TLN2: variants seen among roughly 807,000 people sequenced by gnomAD.
TLN2 encodes the protein talin-2.
A neutral mutation model predicts 294.7 loss-of-function variants in TLN2; 118 were observed. That is an observed-to-expected ratio of 0.40 (90% CI 0.34 to 0.47). The LOEUF (loss-of-function observed/expected upper bound fraction) is 0.47. Among genes scored for constraint, TLN2 ranks in the 20% least tolerant of loss-of-function variants. The probability of loss-of-function intolerance (pLI) is 0.84; values close to 1 mark genes in which losing one functional copy is unlikely to be tolerated. For synonymous variants in TLN2, 1,431 were observed against 1,304.5 expected (o/e 1.10, Z -2.09); for missense variants, 3,083 against 3,282.2 (o/e 0.94, Z 1.48).
At chr15:62,431,071 C>T (rs994372426) in intron 1 of TLN2, among the ~76,000 whole-genome samples, 1 of 152,076 alleles carries the variant, frequency 6.6e-6, no homozygotes, top group Non-Finnish European at 1.5e-5. Flanking sequence ...CTTGAGCTGA[C>T]TTTTGAGCTC....
At chr15:62,695,018 A>G in intron 14 of TLN2, among the ~76,000 whole-genome samples, 1 of 152,228 alleles carries the variant, frequency 6.6e-6, no homozygotes, top group East Asian at 1.9e-4. Context: ...CTAATAAAGC[A>G]CATAAAACAA....
chr15:62,792,573 C>G, intron 45 of TLN2, 68 bp from the exon 46 acceptor site: 2 of 1,571,652 alleles, frequency 1.3e-6, no homozygotes, highest in South Asian at 1.2e-5. Context: ...AAATTTTCCA[C>G]GTAGGGAAGG....
intron 45 of TLN2, among the ~76,000 whole-genome samples, chr15:62,788,051 C>G (rs1320053079): frequency 1.3e-5 from 2 of 150,376 alleles, no homozygotes; most frequent in Non-Finnish European, 3.0e-5. Context: ...TGGCTCACGC[C>G]TGTAATCCCA....
chr15:62,580,625 A>G lies in TLN2; in HGVS notation c.-237-9062A>G, dbSNP rs566385765. On this transcript the variant is annotated intron_variant, in intron 1 of 58. Transcript: ENST00000636159. ...GGGGTTTTGCCATGTTGCCCAGGCT[A>G]GTCTCTAACTCCTGAGTTCAAGTGA... Among the ~76,000 whole-genome samples the G allele has an allele frequency of 2.5e-4, 38 of 151,792 alleles. 1 individual carries two copies. Among genetic ancestry groups the G allele is most frequent in the South Asian group, 2.1e-4 (1 of 4,782 alleles).
At chr15:62,593,000 C>G (rs2046203350) in intron 2 of TLN2, among the ~76,000 whole-genome samples, 2 of 152,154 alleles carry the variant, frequency 1.3e-5, no homozygotes, top group Admixed American at 6.5e-5. Context: ...ATTTTAAAAT[C>G]TATTTTCAAT....
chr15:62,647,580 T>C, intron 4 of TLN2, 134 bp downstream of exon 4: 1 of 1,225,502 alleles, frequency 8.2e-7, no homozygotes, highest in Non-Finnish European at 1.1e-6. Context: ...CCTTCTTAGA[T>C]CAGACACTAC....
chr15:62,459,426 T>C (rs1243440730), intron 1 of TLN2, among the ~76,000 whole-genome samples: 1 of 151,592 alleles, frequency 6.6e-6, no homozygotes, highest in Admixed American at 6.6e-5. Context: ...CTGTGTCTTA[T>C]AAATCAGTAA....
intron 1 of TLN2, among the ~76,000 whole-genome samples, chr15:62,507,020 A>G (rs2140442576): frequency 6.6e-6 from 1 of 152,354 alleles, no homozygotes; most frequent in African/African-American, 2.4e-5. Context: ...TTTTTAGCTT[A>G]AAAACACTTG....
chr15:62,565,456 C>T (rs2043317991), intron 1 of TLN2, among the ~76,000 whole-genome samples: 1 of 152,258 alleles, frequency 6.6e-6, no homozygotes, highest in South Asian at 2.1e-4. Flanking sequence ...TTTAGGGGAT[C>T]TGTGCTAATG....
chr15:62,608,637 G>A (rs1217832342), intron 2 of TLN2, among the ~76,000 whole-genome samples: 1 of 152,170 alleles, frequency 6.6e-6, no homozygotes, highest in Non-Finnish European at 1.5e-5. Flanking sequence ...ACACAGGAGG[G>A]AAGCAGGTTG....
intron 43 of TLN2, among the ~76,000 whole-genome samples, chr15:62,779,263 G>A (rs1443377823): frequency 3.9e-5 from 6 of 152,230 alleles, no homozygotes; most frequent in African/African-American, 9.6e-5. Flanking sequence ...TCAAGCTCTC[G>A]GGACGTTGAT....
rs574235758 is a variant in TLN2, at chr15:62,478,293, G to C, written c.-238+87608G>C. On this transcript the variant is annotated intron_variant, in intron 1 of 58. Transcript: ENST00000636159. ...AACCCCTGCATCATGACTAGAAGTG[G>C]GATTTTACAGCTAGTGGCGAGATGG... 2.0e-5 allele frequency among the ~76,000 whole-genome samples: 3 copies of C among 152,170 alleles called. No homozygotes were observed. The East Asian group carries it at 5.8e-4, about 29-fold the overall frequency.
chr15:62,434,408 G>T (rs974088931), intron 1 of TLN2, among the ~76,000 whole-genome samples: 1 of 151,888 alleles, frequency 6.6e-6, no homozygotes, highest in Non-Finnish European at 1.5e-5. Flanking sequence ...ATTCCATTTC[G>T]TCTTTTAACT....
intron 36 of TLN2, chr15:62,754,881 G>A (rs1193248406): frequency 1.3e-5 from 2 of 152,240 alleles, no homozygotes; most frequent in Non-Finnish European, 2.9e-5. Flanking sequence ...CATGGATGAG[G>A]AGGGAGCTGT....
intron 28 of TLN2, among the ~76,000 whole-genome samples, chr15:62,727,684 A>G (rs1047756301): frequency 6.6e-6 from 1 of 152,216 alleles, no homozygotes; most frequent in Non-Finnish European, 1.5e-5. Flanking sequence ...TGAAGGTAGG[A>G]GACTCCTTAA....
At chr15:62,423,524 A>T (rs1239692446) in intron 1 of TLN2, among the ~76,000 whole-genome samples, 2 of 152,088 alleles carry the variant, frequency 1.3e-5, no homozygotes, top group Non-Finnish European at 2.9e-5. Context: ...GAAACCACAC[A>T]TCTTTTTCAC....
chr15:62,440,602 T>A (rs1167347350), intron 1 of TLN2, among the ~76,000 whole-genome samples: 2 of 152,200 alleles, frequency 1.3e-5, no homozygotes, highest in African/African-American at 4.8e-5. Context: ...GGTGAATGTT[T>A]CCATGGCAAC....
At chr15:62,667,092 A>T (rs567384710) in intron 9 of TLN2, among the ~76,000 whole-genome samples, 92 of 152,188 alleles carry the variant, frequency 6.0e-4, no homozygotes, top group African/African-American at 2.1e-3. Flanking sequence ...CAGCCTCCCG[A>T]GTAGCTGGGA....
chr15:62,671,927 T>A (rs1444147718), intron 9 of TLN2, among the ~76,000 whole-genome samples: 1 of 152,202 alleles, frequency 6.6e-6, no homozygotes, highest in Non-Finnish European at 1.5e-5. Flanking sequence ...ATTTACTTAT[T>A]CTTTATTGCC....
Sources: allele counts gnomAD v4.1 joint callset (sites outside exome capture counted in the v4.1 genomes callset), GRCh38; gene constraint gnomAD v4.1.1; transcripts MANE v1.5; gene names NCBI Gene and HGNC (gene_info 2026-07-23, HGNC 2026-07-21).